Variants in HECW1 observed in about 807,000 individuals in gnomAD.
The protein encoded by HECW1 is HECT, C2 and WW domain containing E3 ubiquitin protein ligase 1.
Under a neutral mutation model 182.3 loss-of-function variants are expected in HECW1, and 61 were observed. That is an observed-to-expected ratio of 0.33 (90% CI 0.27 to 0.41). HECW1 has a LOEUF of 0.41. Ranked by LOEUF, HECW1 falls within the 10% of genes least tolerant of loss-of-function variation. The pLI is 1.00. For missense variants in HECW1, 1,739 were observed against 2,108.9 expected, an observed-to-expected ratio of 0.82 and a Z score of 3.44; for synonymous variants, 859 against 832.6, an observed-to-expected ratio of 1.03 and a Z score of -0.55.
At chr7:43,452,540 G>A (rs1175507999) in intron 12 of HECW1, among the ~76,000 whole-genome samples, 2 of 152,202 alleles carry the variant, frequency 1.3e-5, no homozygotes, top group Non-Finnish European at 2.9e-5. Context: ...TTACCTTATT[G>A]CTGATATTCA....
rs574461017 is a variant in HECW1, at chr7:43,179,763, A to G, written c.-31-64112A>G. Reference sequence around the variant, plus strand: ...CCTATGGAAAGTTAGATAACATCCAAATTTTCCCAATAGTAGCCCATACCT... The same window carrying G: ...CCTATGGAAAGTTAGATAACATCCAGATTTTCCCAATAGTAGCCCATACCT... On this transcript the variant is annotated intron_variant, in intron 2 of 29. Coordinates refer to ENST00000395891, the MANE Select transcript of HECW1 (RefSeq NM_015052.5). 4.6e-5 allele frequency among the ~76,000 whole-genome samples: 7 copies of G among 152,340 alleles called. No homozygotes were observed. In the South Asian group the frequency reaches 1.0e-3, roughly 23 times the overall value.
chr7:43,436,216 G>T (rs2076707525), intron 8 of HECW1, among the ~76,000 whole-genome samples: 1 of 120,790 alleles, frequency 8.3e-6, no homozygotes, highest in Non-Finnish European at 1.8e-5. Context: ...CAGAATAAAA[G>T]AAAAATATGT....
chr7:43,146,773 T>G (rs1237463646), intron 2 of HECW1, among the ~76,000 whole-genome samples: 1 of 152,208 alleles, frequency 6.6e-6, no homozygotes, highest in Non-Finnish European at 1.5e-5. Context: ...GCCAGGCTAA[T>G]CAGGAGCCAG....
At chr7:43,363,640 C>T (rs961909824) in intron 6 of HECW1, among the ~76,000 whole-genome samples, 2 of 152,112 alleles carry the variant, frequency 1.3e-5, no homozygotes, top group Admixed American at 6.5e-5. Context: ...TCCCTGGAGT[C>T]CCAGGGCAGA....
chr7:43,488,438 A>AAGAAAGAAAG (rs1554440519), intron 17 of HECW1, among the ~76,000 whole-genome samples: 2 of 110,674 alleles, frequency 1.8e-5, no homozygotes, highest in African/African-American at 7.4e-5. Flanking sequence ...AAGAAAGAGA[A>AAGAAAGAAAG]AGAAAGAAAG....
chr7:43,392,670 A>G (rs1376975963), intron 6 of HECW1, among the ~76,000 whole-genome samples: 1 of 152,230 alleles, frequency 6.6e-6, no homozygotes, highest in Non-Finnish European at 1.5e-5. Context: ...CCTGGGATAT[A>G]GGTCAGCACA....
rs115630533 is a variant in HECW1, at chr7:43,532,426, C to T, written c.4020-8737C>T. On this transcript the variant is annotated intron_variant, in intron 24 of 29. Coordinates refer to ENST00000395891, the MANE Select transcript of HECW1 (RefSeq NM_015052.5). The stretch of plus-strand genomic sequence containing the variant: ...ATCGGTTCATTCCAAAGACCCTACA[C>T]GAAACTTCCAATGGATTCCCATCAT... 7.3e-3 allele frequency among the ~76,000 whole-genome samples: 1,113 copies of T among 152,276 alleles called. 13 individuals carry two copies. Among genetic ancestry groups the T allele is most frequent in the African/African-American group, 0.026 (1,063 of 41,548 alleles).
intron 2 of HECW1, among the ~76,000 whole-genome samples, chr7:43,171,843 G>C (rs767047311): frequency 9.9e-5 from 15 of 152,146 alleles, no homozygotes; most frequent in Admixed American, 8.5e-4. Flanking sequence ...ATGCTTTTGG[G>C]GTCTTTCTTT....
chr7:43,172,470 A>G (rs1791795171), intron 2 of HECW1, among the ~76,000 whole-genome samples: 1 of 151,386 alleles, frequency 6.6e-6, no homozygotes, highest in Non-Finnish European at 1.5e-5. Context: ...GCCCATGTTT[A>G]TATATCAAAA....
At chr7:43,298,561 T>TG (rs915263463) in intron 3 of HECW1, among the ~76,000 whole-genome samples, 6 of 152,238 alleles carry the variant, frequency 3.9e-5, no homozygotes, top group African/African-American at 1.4e-4. Flanking sequence ...CAATGAGACC[T>TG]GTCCTTTGCA....
chr7:43,224,438 G>A (rs779731489), intron 2 of HECW1, among the ~76,000 whole-genome samples: 4 of 152,178 alleles, frequency 2.6e-5, no homozygotes, highest in Non-Finnish European at 5.9e-5. Flanking sequence ...AGCTGAGTTC[G>A]GGGATGTGGC....
rs118154212 is a variant in HECW1 at position 43,143,911 on chromosome 7, A to C, written c.-32+29520A>C. 4.9e-4 allele frequency among the ~76,000 whole-genome samples: 74 copies of C among 152,310 alleles called. 1 individual carries two copies. The East Asian group carries it at 8.5e-3, about 17-fold the overall frequency. ...CTGCATACTCAGGAGTATAACTCAT[A>C]ACCTTCCTGGTCAAGATTTGACCTG... On this transcript the variant is annotated intron_variant, in intron 2 of 29. Transcript: ENST00000395891.
intron 24 of HECW1, among the ~76,000 whole-genome samples, chr7:43,519,434 C>T (rs977540547): frequency 6.6e-5 from 10 of 152,194 alleles, no homozygotes; most frequent in East Asian, 1.9e-4. Flanking sequence ...TTAGTAGAGA[C>T]GGGGTTTCAC....
intron 17 of HECW1, among the ~76,000 whole-genome samples, chr7:43,480,512 C>T (rs1251038645): frequency 6.6e-6 from 1 of 151,836 alleles, no homozygotes; most frequent in Non-Finnish European, 1.5e-5. Context: ...AGAACTACTT[C>T]CCATAAAACA....
intron 12 of HECW1, among the ~76,000 whole-genome samples, chr7:43,453,621 T>C (rs774597346): frequency 6.6e-6 from 1 of 152,250 alleles, no homozygotes; most frequent in Non-Finnish European, 1.5e-5. Context: ...TACACAGTTG[T>C]ATAGGTTTTT....
Position 43,136,500 on chromosome 7 carries a change from G to T in HECW1, c.-32+22109G>T, listed in dbSNP as rs112016119. ...GTTCTCTCATCTCCCAGAAGTTGTA[G>T]AAAGAGACTGCTTAGGAAGGAGAGC... On this transcript the variant is annotated intron_variant, in intron 2 of 29. Transcript: ENST00000395891. Among the ~76,000 whole-genome samples, 728 of 152,306 alleles carry T rather than the reference G, an allele frequency of 4.8e-3. 3 individuals carry two copies. Among genetic ancestry groups the T allele is most frequent in the African/African-American group, 0.017 (689 of 41,562 alleles).
intron 6 of HECW1, among the ~76,000 whole-genome samples, chr7:43,391,928 A>G (rs2075044879): frequency 6.6e-6 from 1 of 152,122 alleles, no homozygotes; most frequent in African/African-American, 2.4e-5. Flanking sequence ...TTTGAGGCCT[A>G]TCTGATTATT....
intron 8 of HECW1, among the ~76,000 whole-genome samples, chr7:43,429,878 G>A (rs1052338720): frequency 6.6e-6 from 1 of 152,178 alleles, no homozygotes; most frequent in African/African-American, 2.4e-5. Flanking sequence ...GAGAGGAGAG[G>A]CAAAGCTAGA....
Position 43,561,818 on chromosome 7 carries a change from A to G in HECW1, c.4713A>G (p.Ala1571=). 2 of 1,608,026 alleles carry G rather than the reference A, an allele frequency of 1.2e-6. No individual in the cohort carries two copies. Among genetic ancestry groups the G allele is most frequent in the East Asian group, 2.2e-5 (1 of 44,838 alleles). ...CCAATCTCTTCTCCCCATTCAGGGC[A>G]CACACATGCTTCAACCGACTGGATC... is the stretch of plus-strand genomic sequence containing the variant. The part of the protein sequence containing the change: ...KWGKITSLPR[A]HTCFNRLDLP... The change falls in exon 30 of 30, where the codon GCA becomes GCG. Residue 1571 remains alanine, a synonymous_variant. Coordinates refer to ENST00000395891, the MANE Select transcript of HECW1 (RefSeq NM_015052.5).
Sources: allele counts gnomAD v4.1 joint callset (sites outside exome capture counted in the v4.1 genomes callset), GRCh38; gene constraint gnomAD v4.1.1; transcripts MANE v1.5; gene names NCBI Gene and HGNC (gene_info 2026-07-23, HGNC 2026-07-21).